The following ST7 variants were observed in gnomAD, a reference collection of about 807,000 sequenced individuals.
ST7 encodes suppressor of tumorigenicity 7 protein.
A neutral mutation model predicts 78.7 loss-of-function variants in ST7; 28 were observed. The ratio of observed to expected loss-of-function variants is 0.36; its 90% confidence interval spans 0.26 to 0.49. The LOEUF (loss-of-function observed/expected upper bound fraction) is 0.49. ST7 is among the 20% of genes least tolerant of loss of function. The probability of loss-of-function intolerance (pLI) is 0.99; values close to 1 mark genes in which losing one functional copy is unlikely to be tolerated. For synonymous variants in ST7, 247 were observed against 249.6 expected, an observed-to-expected ratio of 0.99 and a Z score of 0.10; for missense variants, 418 against 696.0, an observed-to-expected ratio of 0.60 and a Z score of 4.49.
At position 117,197,919 on chromosome 7, in the gene ST7, C is replaced by T. The variant is rs146077356; in HGVS notation, c.1254+6983C>T. 1.6e-4 allele frequency among the ~76,000 whole-genome samples: 24 copies of T among 152,108 alleles called. No homozygotes were observed. In the East Asian group the frequency reaches 4.4e-3, roughly 28 times the overall value. On this transcript the variant is annotated intron_variant, in intron 12 of 15. Transcript: ENST00000323984. Reference sequence around the variant, plus strand: ...GCAACGTAGTGAGACCTAATCTCCACAAACAAACAAAAAAATTAGCTGGGT... The same window carrying T: ...GCAACGTAGTGAGACCTAATCTCCATAAACAAACAAAAAAATTAGCTGGGT...
intron 1 of ST7, among the ~76,000 whole-genome samples, chr7:117,052,140 G>A (rs1184508650): frequency 6.6e-6 from 1 of 151,996 alleles, no homozygotes; most frequent in African/African-American, 2.4e-5. Flanking sequence ...TCACAGGGCA[G>A]ATATGAAAGA....
At chr7:117,140,466 AAAACACCTG>A (rs1805189417) in intron 9 of ST7, among the ~76,000 whole-genome samples, 1 of 152,160 alleles carries the variant, frequency 6.6e-6, no homozygotes, top group Admixed American at 6.5e-5. Context: ...AGATAATGTG[AAAACACCTG>A]ACATATAGTA....
chr7:117,199,726 A>G (rs1414398253), intron 12 of ST7, among the ~76,000 whole-genome samples: 1 of 152,232 alleles, frequency 6.6e-6, no homozygotes, highest in Non-Finnish European at 1.5e-5. Flanking sequence ...CGTGCTCTCA[A>G]GAAGTGCCCA....
intron 9 of ST7, among the ~76,000 whole-genome samples, chr7:117,157,408 C>T (rs536453550): frequency 1.3e-5 from 2 of 152,234 alleles, no homozygotes; most frequent in Admixed American, 6.5e-5. Flanking sequence ...AGTGGAAAGA[C>T]TTGGGGAGCA....
Position 117,152,271 on chromosome 7 carries a change from G to A in ST7, c.963+13739G>A, listed in dbSNP as rs1270568293. ...TTTAGTGAACACCTCTCTGATTATA[G>A]AGCAGGCAGTCATTTTATTTCCATT... On this transcript the variant is annotated intron_variant, in intron 9 of 15. Coordinates refer to ENST00000323984, the MANE Select transcript of ST7 (RefSeq NM_001369598.1). Among the ~76,000 whole-genome samples, 3 of 134,910 alleles carry A rather than the reference G, an allele frequency of 2.2e-5. No homozygotes were observed. In the East Asian group the frequency reaches 7.0e-4, roughly 32 times the overall value. The allele number at this position is 134,910 out of a possible 152,430, so 88.5% of individuals were successfully genotyped here. A position where few individuals can be genotyped will look rare whatever the true frequency, so the allele number is the denominator to read the frequency against.
chr7:117,100,275 C>T (rs971241557), intron 2 of ST7, among the ~76,000 whole-genome samples: 1 of 152,044 alleles, frequency 6.6e-6, no homozygotes, highest in Non-Finnish European at 1.5e-5. Context: ...AGTTTGAGAC[C>T]AGCCTGGCCA....
intron 10 of ST7, among the ~76,000 whole-genome samples, chr7:117,181,275 C>G (rs1044231067): frequency 6.6e-6 from 1 of 152,132 alleles, no homozygotes. Flanking sequence ...AAGCTAAAGT[C>G]TCCCACATTA....
At chr7:117,001,529 G>A (rs1238133854) in intron 1 of ST7, among the ~76,000 whole-genome samples, 1 of 152,164 alleles carries the variant, frequency 6.6e-6, no homozygotes. Context: ...TGATAAAATT[G>A]CAGGATCAGG....
intron 1 of ST7, chr7:116,959,397 ATCTTT>A: frequency 2.9e-6 from 1 of 342,504 alleles, no homozygotes; most frequent in Non-Finnish European, 5.7e-6. Flanking sequence ...GTATATATGC[ATCTTT>A]TTTTGTATAT....
chr7:117,032,362 A>G (rs574639592), intron 1 of ST7, among the ~76,000 whole-genome samples: 2 of 152,148 alleles, frequency 1.3e-5, no homozygotes, highest in Admixed American at 1.3e-4. Flanking sequence ...CTTGCCAAAT[A>G]TTCACATTTC....
chr7:117,053,144 A>G (rs928316704), intron 1 of ST7, among the ~76,000 whole-genome samples: 45 of 152,172 alleles, frequency 3.0e-4, no homozygotes, highest in African/African-American at 9.4e-4. Context: ...TAAATTAAGG[A>G]AAAAAAGCCA....
intron 1 of ST7, among the ~76,000 whole-genome samples, chr7:117,011,565 G>T (rs983643660): frequency 6.6e-6 from 1 of 152,174 alleles, no homozygotes; most frequent in East Asian, 1.9e-4. Flanking sequence ...ATGAGTGGCC[G>T]TGTTGGCTAG....
At chr7:117,122,261 G>T (rs539501659) in intron 3 of ST7, among the ~76,000 whole-genome samples, 31 of 152,180 alleles carry the variant, frequency 2.0e-4, no homozygotes, top group Non-Finnish European at 4.0e-4. Context: ...AGCCAAAGTT[G>T]CCAAGTAGCT....
chr7:117,090,947 T>TTAA (rs1235824274), intron 1 of ST7: 2 of 163,578 alleles, frequency 1.2e-5, no homozygotes, highest in African/African-American at 4.8e-5. Context: ...CACTGCATTG[T>TTAA]TCCCACCAAT....
intron 1 of ST7, among the ~76,000 whole-genome samples, chr7:116,985,219 A>G (rs912667142): frequency 6.6e-5 from 10 of 152,218 alleles, no homozygotes; most frequent in African/African-American, 2.2e-4. Flanking sequence ...TACCCATAGC[A>G]TTCCCAAGTC....
In ST7 at chr7:117,190,684, G is replaced by T; in HGVS notation, c.1152-150G>T. On this transcript the variant is annotated intron_variant, in intron 11 of 15. Coordinates refer to ENST00000323984, the MANE Select transcript of ST7 (RefSeq NM_001369598.1). This position sits in a 1 kb window ranked among gnomAD's most constrained non-coding sequence, Gnocchi z 5.2. ...GGGTTTTTGCTGGCCTCGGTCCGTGGGGTCACTCAGAGGTTCCATGCAGTA... is the reference window on the plus strand; with the variant it reads ...GGGTTTTTGCTGGCCTCGGTCCGTGTGGTCACTCAGAGGTTCCATGCAGTA... 3.3e-6 allele frequency: 2 copies of T among 610,776 alleles called. No homozygotes were observed. Among genetic ancestry groups the T allele is most frequent in the Admixed American group, 2.8e-5 (1 of 35,262 alleles). 37.8% of individuals were successfully genotyped at this position (610,776 alleles called of 1,614,324 possible). A position where few individuals can be genotyped will look rare whatever the true frequency, so the allele number is the denominator to read the frequency against.
chr7:117,012,486 A>C (rs1189272468), intron 1 of ST7, among the ~76,000 whole-genome samples: 1 of 152,166 alleles, frequency 6.6e-6, no homozygotes, highest in African/African-American at 2.4e-5. Context: ...TAAGGGTTAA[A>C]TAGGTTAATA....
At chr7:117,106,022 C>T (rs1294686862) in intron 2 of ST7, among the ~76,000 whole-genome samples, 9 of 151,584 alleles carry the variant, frequency 5.9e-5, no homozygotes, top group African/African-American at 1.9e-4. Flanking sequence ...GACGGAGTCT[C>T]GCTGTGTCGC....
chr7:117,073,268 G>A (rs1163104242), intron 1 of ST7: 2 of 152,080 alleles, frequency 1.3e-5, no homozygotes, highest in Non-Finnish European at 2.9e-5. Flanking sequence ...AAATGAATGA[G>A]ATAGATTTAG....
Sources: gnomAD v4.1 joint callset for allele counts (sites outside exome capture counted in the v4.1 genomes callset) on GRCh38, gnomAD v4.1.1 for gene constraint, Gnocchi (gnomAD v3.1) non-coding constraint, MANE v1.5 for transcripts, NCBI Gene and HGNC (gene_info 2026-07-23, HGNC 2026-07-21) for gene names.